Variants in SLX4 observed in about 807,000 individuals in gnomAD.
SLX4 encodes structure-specific endonuclease subunit SLX4.
Under a neutral mutation model 146.2 loss-of-function variants are expected in SLX4, and 112 were observed. The ratio of observed to expected loss-of-function variants is 0.77; its 90% CI spans 0.66 to 0.90. The LOEUF is 0.90. SLX4 is among the 40% of genes least tolerant of loss of function. The pLI, the probability that SLX4 is intolerant of heterozygous loss-of-function variation, is 0.00. For missense variants in SLX4, 2,563 were observed against 2,392.7 expected (o/e 1.07, Z -1.49); for synonymous variants, 1,061 against 997.7 (o/e 1.06, Z -1.20).
Position 3,589,402 on chromosome 16 carries a change from G to A in SLX4, c.4236C>T (p.Ser1412=), listed in dbSNP as rs2040548502. ...TTGGGGGGTCACTGTCCAGTGGGGG[G>A]CTTCTGTTGGCCTGATGGGAGGCCA... ...QEVASHQANR[S]PPLDSDPPIP... The change falls in exon 12 of 15, where the codon AGC becomes AGT. Residue 1412 remains serine (S), a synonymous_variant. Coordinates refer to ENST00000294008, the MANE Select transcript of SLX4 (RefSeq NM_032444.4). This position sits in a 1 kb window ranked among gnomAD's most constrained non-coding sequence, Gnocchi z 6.2. 1 of 1,599,526 alleles carries A rather than the reference G, an allele frequency of 6.3e-7. No homozygotes were observed. The highest frequency in any genetic ancestry group is 8.5e-7 in the Non-Finnish European group (1 of 1,169,810).
chr16:3,589,924 G>T lies in SLX4; in HGVS notation c.3714C>A (p.Phe1238Leu), dbSNP rs1454085726. 6.2e-7 allele frequency: 1 copy of T among 1,613,882 alleles called. No individual in the cohort carries two copies. The highest frequency in any genetic ancestry group is 2.2e-5 in the East Asian group (1 of 44,862). The change falls in exon 12 of 15, where the codon TTC becomes TTA. Residue 1238 changes from phenylalanine (F) to leucine (L), a missense_variant. Physicochemically the swap from Phe to Leu is conservative, Grantham distance 22 (BLOSUM62 0). Coordinates refer to ENST00000294008, the MANE Select transcript of SLX4 (RefSeq NM_032444.4). The surrounding 1 kb of genome is among the most constrained non-coding windows in gnomAD (Gnocchi z 6.2). ...SLGRRGAPWL[F>L]CDRESSPSEA... is the part of the protein sequence containing the mutation. ...CGCTGGGGCTGCTCTCACGGTCACA[G>T]AACAGCCAGGGAGCCCCTCTCCTGC...
rs202189103 is a variant in SLX4, at chr16:3,592,832, C to T, written c.2194G>A (p.Gly732Arg). 4.0e-5 allele frequency: 65 copies of T among 1,612,130 alleles called. No homozygotes were observed. The highest frequency in any genetic ancestry group is 5.5e-5 in the South Asian group (5 of 91,004). Residue 732 changes from glycine (G) to arginine (R), a missense_variant, in exon 11 of 15, where the codon GGG becomes AGG. Physicochemically the swap from Gly to Arg is moderately radical, Grantham distance 125. Coordinates refer to ENST00000294008, the MANE Select transcript of SLX4 (RefSeq NM_032444.4). ...NNEGFSAVEDGVLTQRVLLGD... is the reference protein window; with the variant it reads ...NNEGFSAVEDRVLTQRVLLGD... ...AGCAGGACACGCTGGGTCAGAACCC[C>T]GTCCTCTACAGCGGAGAAGCCTTCA...
At chr16:3,603,013 G>T (rs1052428619) in intron 3 of SLX4, among the ~76,000 whole-genome samples, 13 of 152,192 alleles carry the variant, frequency 8.5e-5, no homozygotes, top group Non-Finnish European at 1.0e-4. Context: ...TGCCACTGAG[G>T]CCAGCAAAAC....
At chr16:3,604,431 G>C (rs1436788088) in intron 3 of SLX4, among the ~76,000 whole-genome samples, 10 of 152,096 alleles carry the variant, frequency 6.6e-5, no homozygotes, top group Non-Finnish European at 1.3e-4. Context: ...GCACTATTAT[G>C]GAATTAAGCG....
rs200475686 is a variant in SLX4 at position 3,596,167 on chromosome 16, G to A, written c.1910C>T (p.Ser637Leu). The change falls in exon 8 of 15, where the codon TCG becomes TTG. Residue 637 changes from serine to leucine, a missense_variant. Transcript: ENST00000294008. The part of the protein sequence containing the change: ...PWPGSGGLAG[S>L]EGTAGLDVVP... ...CAGCATCTCACCTGCAGTCCCTTCCGAGCCAGCCAGGCCCCCACTGCCGGG... is the reference window on the plus strand; with the variant it reads ...CAGCATCTCACCTGCAGTCCCTTCCAAGCCAGCCAGGCCCCCACTGCCGGG... 33 of 1,551,478 alleles carry A rather than the reference G, an allele frequency of 2.1e-5. No homozygotes were observed. In the East Asian group the frequency reaches 4.1e-4, roughly 19 times the overall value.
rs1596533014 is a variant in SLX4 at position 3,606,487 on chromosome 16, C to G, written c.747G>C (p.Met249Ile). The stretch of plus-strand genomic sequence containing the variant: ...CACTCATCATACCATTCCCCGCCAT[C>G]ATCTCCTCTTGAGGATCCTTTGGGA... ...ENVPKDPQEE[M>I]MAGNVYGLGP... The change falls in exon 3 of 15, where the codon ATG becomes ATC. Residue 249 changes from methionine (M) to isoleucine (I), a missense_variant. By Grantham distance (10) the Met-to-Ile change is conservative. Coordinates refer to ENST00000294008, the MANE Select transcript of SLX4 (RefSeq NM_032444.4). 1 of 1,614,128 alleles carries G rather than the reference C, an allele frequency of 6.2e-7. No homozygotes were observed. The highest frequency in any genetic ancestry group is 1.1e-5 in the South Asian group (1 of 91,088).
At position 3,590,724 on chromosome 16, in the gene SLX4, C is replaced by T; in HGVS notation, c.2914G>A (p.Gly972Ser). Residue 972 changes from glycine to serine, a missense_variant, in exon 12 of 15, where the codon GGC (glycine) becomes AGC (serine). Gly to Ser is a moderately conservative substitution (Grantham distance 56). Coordinates refer to ENST00000294008, the MANE Select transcript of SLX4 (RefSeq NM_032444.4). The surrounding 1 kb of genome is among the most constrained non-coding windows in gnomAD (Gnocchi z 4.8). ...GCATCATCTGAGTGCGGAAGAGAGC[C>T]TTCTTTTCTCTCTGCCTGGCAGTCC... ...SRDCQAERKE[G>S]SLPHSDDAGD... is the part of the protein sequence containing the mutation. 1 of 1,614,126 alleles carries T rather than the reference C, an allele frequency of 6.2e-7. No homozygotes were observed. Among genetic ancestry groups the T allele is most frequent in the Non-Finnish European group, 8.5e-7 (1 of 1,180,034 alleles).
chr16:3,609,096 C>T lies in SLX4; in HGVS notation c.-132G>A. ...GGCCTGTGGTTAAACATGTTTAAAG[C>T]TTCCCTCTGTTAAAGTCCACAACTG... On this transcript the variant is annotated 5_prime_UTR_variant, in exon 2 of 15. Transcript: ENST00000294008. The T allele has an allele frequency of 8.6e-7, 1 of 1,165,558 alleles. No homozygotes were observed. The highest frequency in any genetic ancestry group is 1.2e-6 in the Non-Finnish European group (1 of 819,148). 72.2% of individuals were successfully genotyped at this position (1,165,558 alleles called of 1,614,324 possible).
chr16:3,596,781 C>T (rs764853710), intron 7 of SLX4, among the ~76,000 whole-genome samples: 20 of 151,736 alleles, frequency 1.3e-4, no homozygotes, highest in African/African-American at 3.1e-4. Flanking sequence ...TGCCAGTTTC[C>T]GGGCTCCATC....
chr16:3,591,988 C>G (rs2040599690), intron 11 of SLX4, among the ~76,000 whole-genome samples: 1 of 152,178 alleles, frequency 6.6e-6, no homozygotes, highest in Non-Finnish European at 1.5e-5. Context: ...CACTCCGTCT[C>G]TCCAAAAAAT....
chr16:3,589,643 G>C lies in SLX4; in HGVS notation c.3995C>G (p.Thr1332Ser). 2 of 1,614,044 alleles carry C rather than the reference G, an allele frequency of 1.2e-6. No homozygotes were observed. Among genetic ancestry groups the C allele is most frequent in the South Asian group, 1.1e-5 (1 of 91,086 alleles). The change falls in exon 12 of 15, where the codon ACT (threonine) becomes AGT (serine). Residue 1332 changes from threonine (T) to serine (S), a missense_variant. Transcript: ENST00000294008. This position sits in a 1 kb window ranked among gnomAD's most constrained non-coding sequence, Gnocchi z 6.2. ...SSCLTPVSPG[T>S]SDGRRQGHRS... ...GTGGCCTTGCCTTCTGCCGTCAGAA[G>C]TTCCTGGAGAGACGGGAGTGAGGCA...
chr16:3,588,564 T>G (rs771424490), intron 12 of SLX4, among the ~76,000 whole-genome samples: 7 of 152,222 alleles, frequency 4.6e-5, no homozygotes, highest in East Asian at 1.9e-4. Flanking sequence ...GAGTCCCTGT[T>G]TTTAATTCTT....
intron 14 of SLX4, 50 bp downstream of exon 14, chr16:3,583,047 G>C (rs377607188): frequency 2.5e-6 from 4 of 1,608,862 alleles, no homozygotes; most frequent in Admixed American, 1.7e-5. Flanking sequence ...TCACGCCCAC[G>C]GGCCAGAGGA....
At chr16:3,602,804 G>A (rs1174304739) in intron 3 of SLX4, among the ~76,000 whole-genome samples, 1 of 152,310 alleles carries the variant, frequency 6.6e-6, no homozygotes, top group African/African-American at 2.4e-5. Flanking sequence ...AACCAGGGCA[G>A]AGTGAAATGC....
chr16:3,609,041 A>C lies in SLX4; in HGVS notation c.-77T>G. 1 of 1,500,052 alleles carries C rather than the reference A, an allele frequency of 6.7e-7. No individual in the cohort carries two copies. The highest frequency in any genetic ancestry group is 2.4e-5 in the East Asian group (1 of 42,300). The allele number at this position is 1,500,052 out of a possible 1,614,324, so 92.9% of individuals were successfully genotyped here. On this transcript the variant is annotated 5_prime_UTR_variant, in exon 2 of 15. Coordinates refer to ENST00000294008, the MANE Select transcript of SLX4 (RefSeq NM_032444.4). Reference sequence around the variant, plus strand: ...AACAAAAAGTACTGTTTTCCTCTCTATAATGATTGAAGTATCTTTGTTCAA... The same window carrying C: ...AACAAAAAGTACTGTTTTCCTCTCTCTAATGATTGAAGTATCTTTGTTCAA...
At chr16:3,584,902 G>C (rs960219912) in intron 12 of SLX4, 31 bp from the exon 13 acceptor site, 1 of 1,461,342 alleles carries the variant, frequency 6.8e-7, no homozygotes, top group African/African-American at 1.4e-5. Flanking sequence ...ACACGTTTTA[G>C]CATGAGGGAC....
chr16:3,596,021 G>C, intron 8 of SLX4, 132 bp downstream of exon 8: 1 of 1,341,440 alleles, frequency 7.5e-7, no homozygotes, highest in Non-Finnish European at 9.9e-7. Flanking sequence ...AGCGCCCAGA[G>C]GCTGCGTGTT....
At chr16:3,600,870 A>T in intron 5 of SLX4, 109 bp downstream of exon 5, 4 of 1,186,704 alleles carry the variant, frequency 3.4e-6, no homozygotes, top group Non-Finnish European at 4.9e-6. Context: ...TGCTGCGATT[A>T]CAGGTGTGAA....
chr16:3,601,751 A>G, intron 4 of SLX4: 3 of 330,158 alleles, frequency 9.1e-6, no homozygotes, highest in Non-Finnish European at 1.7e-5. Flanking sequence ...GCAATTTCAG[A>G]ATCGGCAAAT....
Sources: allele counts gnomAD v4.1 joint callset (sites outside exome capture counted in the v4.1 genomes callset), GRCh38; gene constraint gnomAD v4.1.1; non-coding constraint Gnocchi (gnomAD v3.1); transcripts MANE v1.5; gene names NCBI Gene and HGNC (gene_info 2026-07-23, HGNC 2026-07-21).